ANXA9: variants seen among roughly 807,000 people sequenced by gnomAD.
ANXA9 encodes annexin A9.
Under a neutral mutation model 51.8 loss-of-function variants are expected in ANXA9, and 47 were observed. That is an observed-to-expected ratio of 0.91 (90% CI 0.72 to 1.16). The LOEUF (loss-of-function observed/expected upper bound fraction) is 1.16, where lower values mean the gene tolerates loss of function less well. Among genes scored for constraint, ANXA9 ranks in the 50% most tolerant of loss-of-function variants. The probability of loss-of-function intolerance (pLI) is 0.00; values close to 1 mark genes in which losing one functional copy is unlikely to be tolerated. For synonymous variants in ANXA9, 154 were observed against 168.7 expected, an observed-to-expected ratio of 0.91 and a Z score of 0.68; for missense variants, 361 against 424.7, an observed-to-expected ratio of 0.85 and a Z score of 1.32.
At position 150,989,776 on chromosome 1, in the gene ANXA9, T is replaced by G. The variant is rs587711244; in HGVS notation, c.852+1435T>G. Among the ~76,000 whole-genome samples the G allele has an allele frequency of 9.2e-5, 14 of 152,322 alleles. No homozygotes were observed. The East Asian group carries it at 2.7e-3, about 29-fold the overall frequency. On this transcript the variant is annotated intron_variant, in intron 12 of 13. Coordinates refer to ENST00000368947, the MANE Select transcript of ANXA9 (RefSeq NM_003568.3). ...ATGTTGATGATTGCCCAAAAGTTAG[T>G]AAATATAAGCAATTGTTCTGTCATC...
At chr1:150,985,178 T>TCTCG (rs146519890) in intron 7 of ANXA9, among the ~76,000 whole-genome samples, 3,673 of 143,084 alleles carry the variant, frequency 0.026, 53 homozygotes, top group Middle Eastern at 0.034. Flanking sequence ...TCTCTCTCTC[T>TCTCG]CTCTCTCTCT....
chr1:150,988,032 C>T, intron 10 of ANXA9, 59 bp from the exon 11 acceptor site: 4 of 1,613,894 alleles, frequency 2.5e-6, no homozygotes, highest in Non-Finnish European at 3.4e-6. Context: ...GAGGGCCCAT[C>T]CTTTCCAGAG....
In ANXA9 at chr1:150,983,443, C is replaced by T; in HGVS notation, c.172+9C>T. 3.1e-6 allele frequency: 5 copies of T among 1,601,810 alleles called. No homozygotes were observed. Among genetic ancestry groups the T allele is most frequent in the Non-Finnish European group, 4.3e-6 (5 of 1,173,966 alleles). Reference sequence around the variant, plus strand: ...GGCCATTACTGGCCAAGGTGAGCCCCTTTCCCCCGGCACTTGAGACTGCCT... The same window carrying T: ...GGCCATTACTGGCCAAGGTGAGCCCTTTTCCCCCGGCACTTGAGACTGCCT... On this transcript the variant is annotated intron_variant, in intron 4 of 13. Transcript: ENST00000368947.
chr1:150,981,021 G>A (rs1261929832), upstream of ANXA9, among the ~76,000 whole-genome samples: 1 of 151,988 alleles, frequency 6.6e-6, no homozygotes, highest in Non-Finnish European at 1.5e-5. Context: ...ACCTGTCCTC[G>A]GAGGCCCCAG....
intron 12 of ANXA9, among the ~76,000 whole-genome samples, chr1:150,993,211 C>T (rs1671747299): frequency 6.6e-6 from 1 of 151,778 alleles, no homozygotes; most frequent in Admixed American, 6.6e-5. Flanking sequence ...AGGAATTTTA[C>T]AATTAAAAGT....
At chr1:150,992,497 T>C (rs1454598048) in intron 12 of ANXA9, among the ~76,000 whole-genome samples, 2 of 152,060 alleles carry the variant, frequency 1.3e-5, no homozygotes, top group East Asian at 3.9e-4. Flanking sequence ...TACAGTGACC[T>C]GAGATCGCAC....
rs767935618 is a variant in ANXA9, at chr1:150,994,729, C to G, written c.975+30C>G. ...AACTTGGCTACTTCTTAGCCTGGAGCCTCAGGCCTTCACTCCTCACCTCCA... is the reference window on the plus strand; with the variant it reads ...AACTTGGCTACTTCTTAGCCTGGAGGCTCAGGCCTTCACTCCTCACCTCCA... On this transcript the variant is annotated intron_variant, in intron 13 of 13. Coordinates refer to ENST00000368947, the MANE Select transcript of ANXA9 (RefSeq NM_003568.3). 5.6e-6 allele frequency: 9 copies of G among 1,611,550 alleles called. No homozygotes were observed. The Admixed American group carries it at 1.0e-4, about 18-fold the overall frequency.
At chr1:150,980,755 A>G (rs1671402527), upstream of ANXA9, among the ~76,000 whole-genome samples, 1 of 151,332 alleles carries the variant, frequency 6.6e-6, no homozygotes, top group African/African-American at 2.4e-5. Flanking sequence ...AATTTTTTGT[A>G]TTTTTAGTAG....
chr1:150,981,058 AATCCTCCC>A (rs1671407724), upstream of ANXA9, among the ~76,000 whole-genome samples: 1 of 152,108 alleles, frequency 6.6e-6, no homozygotes, highest in Non-Finnish European at 1.5e-5. Context: ...CGTCTCTCTC[AATCCTCCC>A]ATTTAGAGAG....
chr1:150,993,507 A>G (rs1021532213), intron 12 of ANXA9, among the ~76,000 whole-genome samples: 1 of 151,348 alleles, frequency 6.6e-6, no homozygotes, highest in Non-Finnish European at 1.5e-5. Context: ...CGGGGGTTTC[A>G]CCATGTTGGC....
upstream of ANXA9, chr1:150,982,195 G>A (rs607518): frequency 0.15 from 23,163 of 152,452 alleles, 2,124 homozygotes; most frequent in Non-Finnish European, 0.21. Context: ...CCTCTCCCAC[G>A]TCTGGGAGGG....
At position 150,983,166 on chromosome 1, in the gene ANXA9, G is replaced by A. The variant is rs746660034; in HGVS notation, c.61G>A (p.Gly21Ser). 5.0e-6 allele frequency: 8 copies of A among 1,614,060 alleles called. No homozygotes were observed. The highest frequency in any genetic ancestry group is 6.8e-6 in the Non-Finnish European group (8 of 1,179,978). The change falls in exon 3 of 14, where the codon GGC becomes AGC. Residue 21 changes from glycine (G) to serine (S), a missense_variant. Transcript: ENST00000368947. ...CACCCAGGAGATCCTCAGCCACCTG[G>A]GCCTGGCCAGCAAGGTAGGGGCTGT... ...SLTQEILSHL[G>S]LASKTAAWGT...
At position 150,984,585 on chromosome 1, in the gene ANXA9, G is replaced by A. The variant is rs147958031; in HGVS notation, c.382-1G>A. 1.4e-5 allele frequency: 22 copies of A among 1,613,862 alleles called. No homozygotes were observed. Among genetic ancestry groups the A allele is most frequent in the Non-Finnish European group, 1.5e-5 (18 of 1,179,864 alleles). On this transcript the variant is annotated splice_acceptor_variant, in intron 6 of 13. Coordinates refer to ENST00000368947, the MANE Select transcript of ANXA9 (RefSeq NM_003568.3). LOFTEE classifies it high-confidence loss of function. Reference sequence around the variant, plus strand: ...GAGAGTAGACTCCCAATTTCTTGTAGGCCTCAGATTCTGCTGTGGACGTGG... The same window carrying A: ...GAGAGTAGACTCCCAATTTCTTGTAAGCCTCAGATTCTGCTGTGGACGTGG...
Position 150,986,290 on chromosome 1 carries a change from C to T in ANXA9, c.473-46C>T, listed in dbSNP as rs761618974. On this transcript the variant is annotated intron_variant, in intron 7 of 13. Coordinates refer to ENST00000368947, the MANE Select transcript of ANXA9 (RefSeq NM_003568.3). Reference sequence around the variant, plus strand: ...TTGGCAGGTCCTGGGGATATCTACACTAGGAAAACTCAGGAGGATTCAGAG... The same window carrying T: ...TTGGCAGGTCCTGGGGATATCTACATTAGGAAAACTCAGGAGGATTCAGAG... 7.0e-6 allele frequency: 11 copies of T among 1,577,460 alleles called. No individual in the cohort carries two copies. The Admixed American group carries it at 1.2e-4, about 17-fold the overall frequency.
chr1:150,984,610 G>A lies in ANXA9; in HGVS notation c.406G>A (p.Ala136Thr). ...LKASDSAVDV[A>T]IEILATRTPP... ...GGCCTCAGATTCTGCTGTGGACGTG[G>A]CCATTGAAATTCTTGCCACTCGAAC... Residue 136 changes from alanine to threonine, a missense_variant, in exon 7 of 14, where the codon GCC becomes ACC. Coordinates refer to ENST00000368947, the MANE Select transcript of ANXA9 (RefSeq NM_003568.3). The A allele has an allele frequency of 6.2e-7, 1 of 1,614,108 alleles. No individual in the cohort carries two copies. The highest frequency in any genetic ancestry group is 8.5e-7 in the Non-Finnish European group (1 of 1,180,000).
chr1:150,983,194 GGATTTTAGA>G lies in ANXA9; in HGVS notation c.75+18_75+26del. On this transcript the variant is annotated intron_variant, in intron 3 of 13. Transcript: ENST00000368947. The stretch of plus-strand genomic sequence containing the variant: ...CTGGCCAGCAAGGTAGGGGCTGTTG[GGATTTTAGA>G]GATCACTTTTAGTATCTCAGCTCGG... The G allele has an allele frequency of 6.2e-7, 1 of 1,613,100 alleles. No individual in the cohort carries two copies. Among genetic ancestry groups the G allele is most frequent in the South Asian group, 1.1e-5 (1 of 90,966 alleles).
intron 2 of ANXA9, 64 bp from the exon 3 acceptor site, chr1:150,983,026 G>A: frequency 1.6e-6 from 2 of 1,257,896 alleles, no homozygotes; most frequent in Non-Finnish European, 1.1e-6. Flanking sequence ...GTCTCGGGGG[G>A]GTCATAAGGA....
upstream of ANXA9, among the ~76,000 whole-genome samples, chr1:150,981,086 CT>C (rs1671408443): frequency 6.6e-6 from 1 of 152,156 alleles, no homozygotes; most frequent in Non-Finnish European, 1.5e-5. Flanking sequence ...GCTGAAAGGA[CT>C]AGCGAAGCTT....
chr1:150,980,528 C>T (rs1571684228), upstream of ANXA9, among the ~76,000 whole-genome samples: 2 of 150,010 alleles, frequency 1.3e-5, no homozygotes, highest in East Asian at 1.9e-4. Context: ...AATACCCCTA[C>T]TTTACAGGGC....
Sources: allele counts gnomAD v4.1 joint callset (sites outside exome capture counted in the v4.1 genomes callset), GRCh38; gene constraint gnomAD v4.1.1; transcripts MANE v1.5; gene names NCBI Gene and HGNC (gene_info 2026-07-23, HGNC 2026-07-21).